Variants in TPST1 observed in about 807,000 individuals in gnomAD.
TPST1 encodes tyrosylprotein sulfotransferase 1.
In TPST1, 20 loss-of-function variants were observed where a neutral mutation model predicts 34.8. The observed-to-expected ratio is 0.57, with a 90% confidence interval of 0.40 to 0.84. The LOEUF is 0.84. Ranked by LOEUF, TPST1 falls within the 40% of genes least tolerant of loss-of-function variation. The probability of loss-of-function intolerance (pLI) is 0.00; values close to 1 mark genes in which losing one functional copy is unlikely to be tolerated. For synonymous variants in TPST1, 152 were observed against 159.4 expected (o/e 0.95, Z 0.35); for missense variants, 353 against 455.5 (o/e 0.78, Z 2.05).
chr7:66,246,220 G>A lies in TPST1; in HGVS notation c.845+4950G>A, dbSNP rs1790145727. On this transcript the variant is annotated intron_variant, in intron 2 of 5. Transcript: ENST00000304842. The stretch of plus-strand genomic sequence containing the variant: ...TTTTTTTTTTTTTTGGTGGAGACAG[G>A]GTCTCACTATGTGTTACCCAGGCTG... Among the ~76,000 whole-genome samples, 3 of 131,386 alleles carry A rather than the reference G, an allele frequency of 2.3e-5. No individual in the cohort carries two copies. The Admixed American group carries it at 2.6e-4, about 11-fold the overall frequency. The allele number at this position is 131,386 out of a possible 152,430, so 86.2% of individuals were successfully genotyped here.
chr7:66,303,299 TA>T (rs1791354560), intron 3 of TPST1, among the ~76,000 whole-genome samples: 1 of 151,850 alleles, frequency 6.6e-6, no homozygotes, highest in South Asian at 2.1e-4. Context: ...TTCAACAGAA[TA>T]AGATAGTTTT....
At chr7:66,221,840 GGAAAACTGTTTTT>G (rs1258041811) in intron 1 of TPST1, among the ~76,000 whole-genome samples, 1 of 152,010 alleles carries the variant, frequency 6.6e-6, no homozygotes, top group Non-Finnish European at 1.5e-5. Flanking sequence ...CCAAAGACTT[GGAAAACTGTTTTT>G]CCTCTCTGCT....
chr7:66,242,357 C>T (rs1412630652), intron 2 of TPST1, among the ~76,000 whole-genome samples: 1 of 151,882 alleles, frequency 6.6e-6, no homozygotes, highest in African/African-American at 2.4e-5. Flanking sequence ...GTAAAAAATA[C>T]TTTCCTTGTG....
intron 2 of TPST1, among the ~76,000 whole-genome samples, chr7:66,253,547 ATTT>A (rs1218376065): frequency 3.3e-5 from 5 of 150,754 alleles, no homozygotes; most frequent in Admixed American, 2.6e-4. Context: ...AATTTTTTGT[ATTT>A]TTAGTAGAGA....
chr7:66,305,385 A>G (rs998442521), intron 3 of TPST1, among the ~76,000 whole-genome samples: 2 of 152,012 alleles, frequency 1.3e-5, no homozygotes, highest in African/African-American at 4.8e-5. Context: ...CTAAACCTTC[A>G]TTCTGGGGTG....
At chr7:66,261,884 G>A in intron 2 of TPST1, among the ~76,000 whole-genome samples, 1 of 152,162 alleles carries the variant, frequency 6.6e-6, no homozygotes, top group South Asian at 2.1e-4. Flanking sequence ...GCATCTAAGT[G>A]CTATAAATGT....
At chr7:66,257,284 G>T (rs887167171) in intron 2 of TPST1, among the ~76,000 whole-genome samples, 12 of 152,118 alleles carry the variant, frequency 7.9e-5, no homozygotes, top group African/African-American at 2.7e-4. Flanking sequence ...GTAGAAATGT[G>T]ACATTAAAGA....
intron 3 of TPST1, among the ~76,000 whole-genome samples, chr7:66,301,163 A>C (rs1791308738): frequency 6.6e-6 from 1 of 152,188 alleles, no homozygotes; most frequent in African/African-American, 2.4e-5. Context: ...AGTGGGCTGA[A>C]AATTGCATTT....
At chr7:66,323,814 A>G (rs1309949444) in intron 3 of TPST1, among the ~76,000 whole-genome samples, 9 of 152,212 alleles carry the variant, frequency 5.9e-5, no homozygotes, top group Admixed American at 3.9e-4. Flanking sequence ...TGCTTATAAT[A>G]AAAAATACAT....
intron 4 of TPST1, 78 bp from the exon 5 acceptor site, chr7:66,356,747 C>G (rs1792590174): frequency 1.3e-6 from 2 of 1,565,662 alleles, no homozygotes; most frequent in Admixed American, 3.4e-5. Context: ...GGCCACCCCT[C>G]ATGTTTCAGT....
chr7:66,317,655 G>A (rs1286847276), intron 3 of TPST1, among the ~76,000 whole-genome samples: 1 of 151,220 alleles, frequency 6.6e-6, no homozygotes, highest in Non-Finnish European at 1.5e-5. Context: ...TCTTACCTAT[G>A]TTGTTTTTCT....
Position 66,224,901 on chromosome 7 carries a change from C to CTTTTTTTTTTTTTTTTTTTTTTTTT in TPST1, c.-101-15417_-101-15393dup, listed in dbSNP as rs780952403. 7.1e-5 allele frequency among the ~76,000 whole-genome samples: 3 copies of CTTTTTTTTTTTTTTTTTTTTTTTTT among 42,410 alleles called. 1 individual carries two copies. Among genetic ancestry groups the CTTTTTTTTTTTTTTTTTTTTTTTTT allele is most frequent in the African/African-American group, 2.2e-4 (2 of 9,276 alleles). The allele number at this position is 42,410 out of a possible 152,430, so 27.8% of individuals were successfully genotyped here. A position where few individuals can be genotyped will look rare whatever the true frequency, so the allele number is the denominator to read the frequency against. On this transcript the variant is annotated intron_variant, in intron 1 of 5. Transcript: ENST00000304842. ...AACTGAGCCTGAACATTCTGGTATTCTTTTTTTTTTTTTTTTTTTTTTTTT... is the reference window on the plus strand; with the variant it reads ...AACTGAGCCTGAACATTCTGGTATTCTTTTTTTTTTTTTTTTTTTTTTTTTTTTTTTTTTTTTTTTTTTTTTTTTT...
rs533641628 is a variant in TPST1, at chr7:66,278,510, C to T, written c.846-8001C>T. On this transcript the variant is annotated intron_variant, in intron 2 of 5. Transcript: ENST00000304842. ...AAAAAAAGAAAGACATTGGGCCGGG[C>T]GCAGTGGCTCACGCCTGTAATCCCA... Among the ~76,000 whole-genome samples the T allele has an allele frequency of 1.4e-3, 217 of 152,012 alleles. 2 individuals are homozygous for T. The highest frequency in any genetic ancestry group is 4.0e-3 in the Admixed American group (61 of 15,248).
intron 1 of TPST1, among the ~76,000 whole-genome samples, chr7:66,228,835 G>T (rs1391386723): frequency 6.6e-6 from 1 of 152,014 alleles, no homozygotes; most frequent in African/African-American, 2.4e-5. Flanking sequence ...TCCTGTTCTT[G>T]GTTCTCTCCT....
At chr7:66,210,362 GAT>G (rs1233016425) in intron 1 of TPST1, among the ~76,000 whole-genome samples, 1 of 152,228 alleles carries the variant, frequency 6.6e-6, no homozygotes, top group African/African-American at 2.4e-5. Flanking sequence ...TAAAGATGGA[GAT>G]ATATATGGAG....
intron 3 of TPST1, 34 bp from the exon 4 acceptor site, chr7:66,352,471 T>A: frequency 1.2e-6 from 2 of 1,606,412 alleles, no homozygotes; most frequent in Non-Finnish European, 1.7e-6. Flanking sequence ...ACTGGACCTG[T>A]TGCCTTAAAC....
intron 3 of TPST1, among the ~76,000 whole-genome samples, chr7:66,300,424 G>A (rs529009081): frequency 6.6e-6 from 1 of 152,306 alleles, no homozygotes; most frequent in African/African-American, 2.4e-5. Flanking sequence ...CACATCTGCA[G>A]TTCCTTCCTC....
chr7:66,229,800 T>A (rs1789739392), intron 1 of TPST1, among the ~76,000 whole-genome samples: 1 of 152,178 alleles, frequency 6.6e-6, no homozygotes, highest in Non-Finnish European at 1.5e-5. Flanking sequence ...GTTCAGTATA[T>A]TTTAGCCATT....
chr7:66,318,875 T>A (rs1176711959), intron 3 of TPST1, among the ~76,000 whole-genome samples: 1 of 152,234 alleles, frequency 6.6e-6, no homozygotes, highest in Admixed American at 6.5e-5. Context: ...ATAGACTAGG[T>A]TTATAGTAAT....
Sources: allele counts gnomAD v4.1 joint callset (sites outside exome capture counted in the v4.1 genomes callset), GRCh38; gene constraint gnomAD v4.1.1; transcripts MANE v1.5; gene names NCBI Gene and HGNC (gene_info 2026-07-23, HGNC 2026-07-21).